ABHD4: variants seen among roughly 807,000 people sequenced by gnomAD.
ABHD4 encodes the protein abhydrolase domain containing 4, N-acyl phospholipase B.
A neutral mutation model predicts 42.3 loss-of-function variants in ABHD4; 35 were observed. The observed-to-expected ratio is 0.83, with a 90% CI of 0.63 to 1.10. ABHD4 has a LOEUF of 1.10. ABHD4 is among the 50% of genes least tolerant of loss of function. The pLI is 0.00. For missense variants in ABHD4, 389 were observed against 454.8 expected (o/e 0.86, Z 1.32); for synonymous variants, 169 against 170.6 (o/e 0.99, Z 0.07).
Position 22,603,760 on chromosome 14 carries a change from TA to T in ABHD4, c.484del (p.Arg162GlufsTer37), listed in dbSNP as rs2037315046. The T allele has an allele frequency of 1.3e-6, 2 of 1,575,824 alleles. No homozygotes were observed. Among genetic ancestry groups the T allele is most frequent in the African/African-American group, 1.3e-5 (1 of 74,166 alleles). ...CTTCTTACTCAATCAAGTACCCTGATAGGTAATAAGGAGATGGCTCCATCCC... is the reference window on the plus strand; with the variant it reads ...CTTCTTACTCAATCAAGTACCCTGATGGTAATAAGGAGATGGCTCCATCCC... ...ATSYSIKYPDRVKHLILVDPW... is the reference protein window; with the variant it reads ...ATSYSIKYPDXVKHLILVDPW... On this transcript the variant is annotated frameshift_variant and splice_region_variant, in exon 3 of 7. Transcript: ENST00000428304. LOFTEE classifies it high-confidence loss of function.
At chr14:22,600,928 C>T (rs950789098) in intron 1 of ABHD4, among the ~76,000 whole-genome samples, 2 of 151,230 alleles carry the variant, frequency 1.3e-5, no homozygotes, top group African/African-American at 4.9e-5. Context: ...CTTAAGGTCC[C>T]TGGGTATGAA....
intron 2 of ABHD4, among the ~76,000 whole-genome samples, chr14:22,602,578 G>A (rs975251090): frequency 1.3e-5 from 2 of 152,104 alleles, no homozygotes; most frequent in African/African-American, 4.8e-5. Context: ...CCAACTGGCT[G>A]GACCACAGTT....
rs569983860 is a variant in ABHD4, at chr14:22,604,531, G to A, written c.640+452G>A. ...CGAAGTGCTGGGATTACAGGCGTGA[G>A]CCACCGCGCCTGGCCTGTTTTTTGT... is the stretch of plus-strand genomic sequence containing the variant. On this transcript the variant is annotated intron_variant, in intron 4 of 6. Transcript: ENST00000428304. 5.9e-5 allele frequency among the ~76,000 whole-genome samples: 9 copies of A among 151,660 alleles called. No individual in the cohort carries two copies. In the South Asian group the frequency reaches 1.7e-3, roughly 28 times the overall value.
At chr14:22,606,594 C>G in intron 5 of ABHD4, 61 bp downstream of exon 5, 2 of 1,172,760 alleles carry the variant, frequency 1.7e-6, no homozygotes, top group Non-Finnish European at 2.5e-6. Context: ...AAACTCTTAG[C>G]TGCTGGAGTT....
At chr14:22,605,784 C>T in intron 4 of ABHD4, 1 of 1,286,640 alleles carries the variant, frequency 7.8e-7, no homozygotes, top group Non-Finnish European at 1.0e-6. Context: ...TTCTCATAAA[C>T]AGAGAGAAGA....
In ABHD4 at chr14:22,611,290, T is replaced by C. The variant is rs2037412645; in HGVS notation, c.*342T>C. On this transcript the variant is annotated 3_prime_UTR_variant, in exon 7 of 7. Transcript: ENST00000428304. ...ACTCTCTCTGTGGCCTTTCTTCCTC[T>C]GGGCAAAGAAGGGCTTCCAGTGGCC... 12 of 251,078 alleles carry C rather than the reference T, an allele frequency of 4.8e-5. No homozygotes were observed. The South Asian group carries it at 7.9e-4, about 16-fold the overall frequency. 15.6% of individuals were successfully genotyped at this position (251,078 alleles called of 1,614,324 possible). A position where few individuals can be genotyped will look rare whatever the true frequency, so the allele number is the denominator to read the frequency against.
chr14:22,610,612 G>A (rs1281065731), intron 6 of ABHD4, among the ~76,000 whole-genome samples: 1 of 152,220 alleles, frequency 6.6e-6, no homozygotes, highest in Non-Finnish European at 1.5e-5. Context: ...TGGATTAAAT[G>A]AGCAGATCAG....
chr14:22,603,956 G>A lies in ABHD4; in HGVS notation c.517G>A (p.Gly173Ser), dbSNP rs772159052. 6 of 1,614,052 alleles carry A rather than the reference G, an allele frequency of 3.7e-6. No individual in the cohort carries two copies. In the Admixed American group the frequency reaches 1.0e-4, roughly 27 times the overall value. ...ACACCTCATCCTGGTGGACCCATGG[G>A]GCTTTCCCCTCCGACCAACTAACCC... ...VKHLILVDPW[G>S]FPLRPTNPSE... Residue 173 changes from glycine (G) to serine (S), a missense_variant, in exon 4 of 7, where the codon GGC becomes AGC. Physicochemically the swap from Gly to Ser is moderately conservative, Grantham distance 56. This residue lies in a region of ABHD4 where 249 missense variants were observed against 254.4 expected (regional missense o/e 0.98). Transcript: ENST00000428304.
intron 6 of ABHD4, 92 bp downstream of exon 6, chr14:22,610,002 G>A (rs2037393459): frequency 2.4e-6 from 3 of 1,236,140 alleles, no homozygotes; most frequent in South Asian, 2.8e-5. Context: ...GGAGAAAGAG[G>A]AATGGACAGA....
At chr14:22,609,610 G>A (rs1049576795) in intron 5 of ABHD4, 114 bp from the exon 6 acceptor site, 1 of 1,172,366 alleles carries the variant, frequency 8.5e-7, no homozygotes. Flanking sequence ...AATGAGCCCA[G>A]TGTGGGGCTT....
chr14:22,598,513 G>A, intron 1 of ABHD4, 184 bp downstream of exon 1: 1 of 1,518,142 alleles, frequency 6.6e-7, no homozygotes, highest in African/African-American at 1.4e-5. Context: ...GGCAGCGGCT[G>A]AGCCTGGGGA....
chr14:22,603,956 G>T lies in ABHD4; in HGVS notation c.517G>T (p.Gly173Cys), dbSNP rs772159052. Reference sequence around the variant, plus strand: ...ACACCTCATCCTGGTGGACCCATGGGGCTTTCCCCTCCGACCAACTAACCC... The same window carrying T: ...ACACCTCATCCTGGTGGACCCATGGTGCTTTCCCCTCCGACCAACTAACCC... ...VKHLILVDPW[G>C]FPLRPTNPSE... Residue 173 changes from glycine (G) to cysteine (C), a missense_variant, in exon 4 of 7, where the codon GGC becomes TGC. By Grantham distance (159) the Gly-to-Cys change is radical (BLOSUM62 -3). Around this residue, in one of 3 missense-constraint regions of ABHD4, gnomAD observed 249 missense variants for 254.4 expected, o/e 0.98. Transcript: ENST00000428304. 1.2e-6 allele frequency: 2 copies of T among 1,614,052 alleles called. No individual in the cohort carries two copies. The highest frequency in any genetic ancestry group is 1.7e-6 in the Non-Finnish European group (2 of 1,180,038).
At position 22,610,998 on chromosome 14, in the gene ABHD4, C is replaced by A. The variant is rs2037409342; in HGVS notation, c.*50C>A. The A allele has an allele frequency of 3.3e-6, 5 of 1,526,770 alleles. No individual in the cohort carries two copies. In the African/African-American group the frequency reaches 5.5e-5, roughly 17 times the overall value. The allele number at this position is 1,526,770 out of a possible 1,614,324, so 94.6% of individuals were successfully genotyped here. A position where few individuals can be genotyped will look rare whatever the true frequency, so the allele number is the denominator to read the frequency against. On this transcript the variant is annotated 3_prime_UTR_variant, in exon 7 of 7. Transcript: ENST00000428304. ...GAAAGCCAGAGAGTCACTCTTACCTCCCTGTCTGCTTACTCACCCACTCTG... is the reference window on the plus strand; with the variant it reads ...GAAAGCCAGAGAGTCACTCTTACCTACCTGTCTGCTTACTCACCCACTCTG...
chr14:22,606,403 T>A lies in ABHD4; in HGVS notation c.641-19T>A. The A allele has an allele frequency of 6.3e-7, 1 of 1,596,966 alleles. No individual in the cohort carries two copies. Among genetic ancestry groups the A allele is most frequent in the Non-Finnish European group, 8.5e-7 (1 of 1,169,802 alleles). ...CACCTCCCAAATTGGCCTGTCTGTGTTTTTCTATCCCCTCCCAGGGCCTGG... is the reference window on the plus strand; with the variant it reads ...CACCTCCCAAATTGGCCTGTCTGTGATTTTCTATCCCCTCCCAGGGCCTGG... On this transcript the variant is annotated intron_variant, in intron 4 of 6. Coordinates refer to ENST00000428304, the MANE Select transcript of ABHD4 (RefSeq NM_022060.3).
In ABHD4 at chr14:22,609,743, G is replaced by A; in HGVS notation, c.772G>A (p.Ala258Thr). 6.2e-7 allele frequency: 1 copy of A among 1,614,010 alleles called. No individual in the cohort carries two copies. Among genetic ancestry groups the A allele is most frequent in the Non-Finnish European group, 8.5e-7 (1 of 1,179,990 alleles). Residue 258 changes from alanine (A) to threonine (T), a missense_variant, in exon 6 of 7, where the codon GCC becomes ACC. Coordinates refer to ENST00000428304, the MANE Select transcript of ABHD4 (RefSeq NM_022060.3). The stretch of plus-strand genomic sequence containing the variant: ...TGACAGTGGTGAGACAGCATTCAAA[G>A]CCATGATGGAGTCCTTTGGCTGGGC... Reference protein sequence around the residue: ...QNPSGETAFKAMMESFGWARR... With the variant: ...QNPSGETAFKTMMESFGWARR...
intron 2 of ABHD4, 75 bp from the exon 3 acceptor site, chr14:22,603,315 A>C (rs1235804527): frequency 4.5e-6 from 7 of 1,568,656 alleles, no homozygotes; most frequent in Non-Finnish European, 6.1e-6. Context: ...GAATGTGAAG[A>C]GTGGTAGTCC....
Position 22,610,877 on chromosome 14 carries a change from C to T in ABHD4, c.958C>T (p.His320Tyr). 1 of 1,614,090 alleles carries T rather than the reference C, an allele frequency of 6.2e-7. No homozygotes were observed. Among genetic ancestry groups the T allele is most frequent in the Non-Finnish European group, 8.5e-7 (1 of 1,180,004 alleles). The change falls in exon 7 of 7, where the codon CAC becomes TAC. Residue 320 changes from histidine (H) to tyrosine (Y), a missense_variant. Physicochemically the swap from His to Tyr is moderately conservative, Grantham distance 83 (BLOSUM62 2). Around this residue, in one of 3 missense-constraint regions of ABHD4, gnomAD observed 249 missense variants for 254.4 expected, o/e 0.98. Coordinates refer to ENST00000428304, the MANE Select transcript of ABHD4 (RefSeq NM_022060.3). ...VRDMEIKGAS[H>Y]HVYADQPHIF... ...TCCACAGGAGATTAAGGGTGCCTCC[C>T]ACCATGTCTATGCTGACCAGCCACA... is the stretch of plus-strand genomic sequence containing the variant.
chr14:22,601,237 C>T (rs1235557654), intron 1 of ABHD4, among the ~76,000 whole-genome samples: 1 of 152,196 alleles, frequency 6.6e-6, no homozygotes, highest in Non-Finnish European at 1.5e-5. Flanking sequence ...GCCAGTAGGG[C>T]AGATGGCATG....
Position 22,609,706 on chromosome 14 carries a change from C to A in ABHD4, c.753-18C>A. ...ACATATTCTGCTGTGAAGTTTATTGCTGTTTTGCTTTTGACAGTGGTGAGA... is the reference window on the plus strand; with the variant it reads ...ACATATTCTGCTGTGAAGTTTATTGATGTTTTGCTTTTGACAGTGGTGAGA... On this transcript the variant is annotated intron_variant, in intron 5 of 6. Transcript: ENST00000428304. The A allele has an allele frequency of 6.2e-7, 1 of 1,610,128 alleles. No homozygotes were observed. Among genetic ancestry groups the A allele is most frequent in the Non-Finnish European group, 8.5e-7 (1 of 1,177,782 alleles).
Sources: allele counts gnomAD v4.1 joint callset (sites outside exome capture counted in the v4.1 genomes callset), GRCh38; gene constraint gnomAD v4.1.1; regional missense constraint gnomAD v4.1.1; transcripts MANE v1.5; gene names NCBI Gene and HGNC (gene_info 2026-07-23, HGNC 2026-07-21).